Variants in SOX5 observed in about 807,000 individuals in gnomAD.
SOX5 encodes the protein transcription factor SOX-5.
Under a neutral mutation model 92.0 loss-of-function variants are expected in SOX5, and 9 were observed. The observed-to-expected ratio is 0.10, with a 90% CI of 0.06 to 0.17. The LOEUF (loss-of-function observed/expected upper bound fraction) is 0.17. SOX5 is among the 10% of genes least tolerant of loss of function. The probability of loss-of-function intolerance (pLI) is 1.00; values close to 1 mark genes in which losing one functional copy is unlikely to be tolerated. For missense variants in SOX5, 642 were observed against 944.5 expected (o/e 0.68, Z 4.20); for synonymous variants, 344 against 336.3 (o/e 1.02, Z -0.25).
intron 4 of SOX5, among the ~76,000 whole-genome samples, chr12:24,038,146 G>A (rs1232101088): frequency 1.3e-5 from 2 of 152,124 alleles, no homozygotes; most frequent in African/African-American, 4.8e-5. Context: ...ATTAACACAG[G>A]AAGATAGAGA....
chr12:23,732,652 T>C (rs1379532527), intron 6 of SOX5, among the ~76,000 whole-genome samples: 1 of 152,176 alleles, frequency 6.6e-6, no homozygotes, highest in Non-Finnish European at 1.5e-5. Flanking sequence ...CTTTATTTCC[T>C]TTAGGGACTT....
intron 7 of SOX5, among the ~76,000 whole-genome samples, chr12:23,663,632 CT>C (rs148788898): frequency 1.3e-5 from 2 of 151,636 alleles, no homozygotes; most frequent in African/African-American, 4.8e-5. Flanking sequence ...TAGAAAGTGT[CT>C]TTTTTTTGTT....
intron 1 of SOX5, among the ~76,000 whole-genome samples, chr12:24,369,424 A>G (rs1437238458): frequency 6.6e-6 from 1 of 152,204 alleles, no homozygotes; most frequent in African/African-American, 2.4e-5. Context: ...AGGGGACAGT[A>G]TGTAGTCAAG....
chr12:24,345,910 C>T (rs919987580), intron 2 of SOX5, among the ~76,000 whole-genome samples: 1 of 152,194 alleles, frequency 6.6e-6, no homozygotes, highest in South Asian at 2.1e-4. Flanking sequence ...TATTCTGTTG[C>T]TCTCTAGGTA....
chr12:24,148,840 T>C (rs1161128867), intron 4 of SOX5, among the ~76,000 whole-genome samples: 1 of 151,370 alleles, frequency 6.6e-6, no homozygotes, highest in Non-Finnish European at 1.5e-5. Context: ...TAGTAAGCTA[T>C]GATCACACCA....
intron 1 of SOX5, among the ~76,000 whole-genome samples, chr12:24,532,339 G>C (rs1237869517): frequency 6.6e-6 from 1 of 152,176 alleles, no homozygotes; most frequent in African/African-American, 2.4e-5. Flanking sequence ...TGAAGCTATT[G>C]CCTTCTCAAC....
intron 4 of SOX5, among the ~76,000 whole-genome samples, chr12:24,005,910 T>C (rs777550214): frequency 5.9e-5 from 9 of 152,226 alleles, no homozygotes; most frequent in Non-Finnish European, 1.0e-4. Context: ...GTATATTTAT[T>C]GCAGAAGCTT....
chr12:24,256,905 C>A (rs565046807), intron 3 of SOX5, among the ~76,000 whole-genome samples: 50 of 152,198 alleles, frequency 3.3e-4, no homozygotes, highest in Non-Finnish European at 3.2e-4. Context: ...TCTTTAGCAT[C>A]CCTGTCTTTG....
chr12:24,104,649 C>A (rs1198881197), intron 4 of SOX5, among the ~76,000 whole-genome samples: 1 of 152,054 alleles, frequency 6.6e-6, no homozygotes, highest in Non-Finnish European at 1.5e-5. Context: ...TTCTGCTTTC[C>A]CATCAGTACA....
At chr12:23,573,200 C>T (rs965739115) in intron 10 of SOX5, among the ~76,000 whole-genome samples, 2 of 152,086 alleles carry the variant, frequency 1.3e-5, no homozygotes, top group African/African-American at 4.8e-5. Context: ...TATACATATT[C>T]CTATTTTAAA....
At chr12:24,196,060 T>G (rs1046003289) in intron 4 of SOX5, among the ~76,000 whole-genome samples, 13 of 152,108 alleles carry the variant, frequency 8.5e-5, no homozygotes, top group African/African-American at 2.7e-4. Context: ...AATTTTTGTA[T>G]TTTTAGTAGA....
intron 3 of SOX5, among the ~76,000 whole-genome samples, chr12:23,771,705 T>C (rs1285084139): frequency 6.6e-6 from 1 of 152,208 alleles, no homozygotes; most frequent in Non-Finnish European, 1.5e-5. Flanking sequence ...TGCCTAAATG[T>C]TGCCTTACAG....
intron 3 of SOX5, among the ~76,000 whole-genome samples, chr12:23,835,149 C>A (rs951685220): frequency 4.0e-5 from 6 of 151,784 alleles, no homozygotes; most frequent in Non-Finnish European, 7.4e-5. Context: ...AGTCATCTAC[C>A]TTTACTTATT....
intron 1 of SOX5, among the ~76,000 whole-genome samples, chr12:23,929,811 G>T (rs1389576666): frequency 6.6e-6 from 1 of 151,766 alleles, no homozygotes; most frequent in Non-Finnish European, 1.5e-5. Context: ...TGAACCAACA[G>T]AAAATGTTAT....
chr12:24,007,818 CACACAT>C (rs749058790), intron 4 of SOX5, among the ~76,000 whole-genome samples: 3,124 of 33,086 alleles, frequency 0.094, 196 homozygotes, highest in African/African-American at 0.16. Context: ...CACACACACA[CACACAT>C]ATATATATAT....
At chr12:23,679,175 C>T (rs1402500818) in intron 6 of SOX5, among the ~76,000 whole-genome samples, 2 of 152,030 alleles carry the variant, frequency 1.3e-5, no homozygotes, top group African/African-American at 4.8e-5. Flanking sequence ...TCTAGTAAAT[C>T]GAAAGTAGTT....
chr12:24,556,890 C>A (rs1319892284), intron 1 of SOX5, among the ~76,000 whole-genome samples: 1 of 152,070 alleles, frequency 6.6e-6, no homozygotes, highest in African/African-American at 2.4e-5. Flanking sequence ...TTTTTAGACT[C>A]AAATAAGTTC....
intron 1 of SOX5, among the ~76,000 whole-genome samples, chr12:24,525,527 G>A (rs55741061): frequency 0.097 from 14,765 of 152,206 alleles, 887 homozygotes; most frequent in Middle Eastern, 0.15. Context: ...TAGATATCAT[G>A]TTAAATGTTC....
chr12:23,667,313 G>C (rs554417030), intron 6 of SOX5, among the ~76,000 whole-genome samples: 1 of 151,940 alleles, frequency 6.6e-6, no homozygotes, highest in East Asian at 1.9e-4. Context: ...TACTTTAATC[G>C]TTTATAATAT....
Sources: gnomAD v4.1 joint callset for allele counts (sites outside exome capture counted in the v4.1 genomes callset) on GRCh38, gnomAD v4.1.1 for gene constraint, MANE v1.5 for transcripts, NCBI Gene and HGNC (gene_info 2026-07-23, HGNC 2026-07-21) for gene names.